ZNF385D: variants seen among roughly 807,000 people sequenced by gnomAD.
ZNF385D encodes the protein zinc finger protein 659.
Under a neutral mutation model 35.8 loss-of-function variants are expected in ZNF385D, and 15 were observed. The observed-to-expected ratio is 0.42, with a 90% confidence interval of 0.28 to 0.64. ZNF385D has a LOEUF of 0.64. Ranked by LOEUF, ZNF385D falls within the 30% of genes least tolerant of loss-of-function variation. The pLI is 0.23. For synonymous variants in ZNF385D, 212 were observed against 186.8 expected (o/e 1.13, Z -1.10); for missense variants, 474 against 494.6 (o/e 0.96, Z 0.39).
chr3:21,872,918 A>G (rs961612055), intron 3 of ZNF385D, among the ~76,000 whole-genome samples: 9 of 152,148 alleles, frequency 5.9e-5, no homozygotes, highest in African/African-American at 2.2e-4. Context: ...ACTAGTATTT[A>G]TAGTTCAATG....
chr3:21,651,675 T>C (rs1002636160), intron 2 of ZNF385D, among the ~76,000 whole-genome samples: 6 of 152,208 alleles, frequency 3.9e-5, no homozygotes, highest in Non-Finnish European at 7.3e-5. Flanking sequence ...ACTGAACTTC[T>C]TAACCTCCTC....
rs905933143 is a variant in ZNF385D at position 21,710,631 on chromosome 3, T to C, written c.22+40264A>G. ...GCTCAGTTGTTTTTACTTATACTCA[T>C]GCATGTTTGGGACAAGATATCTTAA... On this transcript the variant is annotated intron_variant, in intron 1 of 7. Transcript: ENST00000281523. Among the ~76,000 whole-genome samples, 35 of 152,204 alleles carry C rather than the reference T, an allele frequency of 2.3e-4. 1 individual carries two copies. Among genetic ancestry groups the C allele is most frequent in the Admixed American group, 2.2e-3 (33 of 15,276 alleles).
In ZNF385D at chr3:21,530,670, G is replaced by A. The variant is rs9815628; in HGVS notation, c.277-19647C>T. Among the ~76,000 whole-genome samples the A allele has an allele frequency of 4.8e-3, 736 of 151,836 alleles. 9 individuals carry two copies. The highest frequency in any genetic ancestry group is 0.016 in the African/African-American group (648 of 41,426). On this transcript the variant is annotated intron_variant, in intron 3 of 7. Transcript: ENST00000281523. ...AGCATGATCAAACAAGTTTTTTTTC[G>A]TTGATGTGTCATTCTAAGGAAACTG... is the stretch of plus-strand genomic sequence containing the variant.
intron 3 of ZNF385D, among the ~76,000 whole-genome samples, chr3:21,848,260 T>G (rs1056038827): frequency 1.1e-4 from 16 of 152,028 alleles, no homozygotes; most frequent in African/African-American, 3.6e-4. Flanking sequence ...CCATGAAAAC[T>G]TAGGTTGTTT....
At chr3:21,559,575 C>G (rs908011628) in intron 3 of ZNF385D, among the ~76,000 whole-genome samples, 10 of 152,154 alleles carry the variant, frequency 6.6e-5, no homozygotes, top group Middle Eastern at 3.2e-3. Context: ...CAACCTTCCT[C>G]CCTGTCTGCC....
intron 2 of ZNF385D, among the ~76,000 whole-genome samples, chr3:22,282,504 G>A (rs1701809411): frequency 6.6e-6 from 1 of 151,958 alleles, no homozygotes; most frequent in Non-Finnish European, 1.5e-5. Context: ...GATCATTCAG[G>A]AGCAGGTTAT....
intron 4 of ZNF385D, among the ~76,000 whole-genome samples, chr3:21,480,934 A>T: frequency 6.6e-6 from 1 of 152,226 alleles, no homozygotes; most frequent in East Asian, 1.9e-4. Flanking sequence ...ACTTTAAGAA[A>T]GTACATTTCA....
chr3:21,760,636 T>C (rs12489173), intron 3 of ZNF385D, among the ~76,000 whole-genome samples: 44,234 of 152,092 alleles, frequency 0.29, 6,735 homozygotes, highest in Middle Eastern at 0.44. Flanking sequence ...TAAAAGGTCA[T>C]ACTTTTCTTT....
chr3:21,916,787 G>C (rs1161611057), intron 3 of ZNF385D, among the ~76,000 whole-genome samples: 2 of 152,160 alleles, frequency 1.3e-5, no homozygotes, highest in Non-Finnish European at 2.9e-5. Flanking sequence ...ATAAACGAAA[G>C]CACTGTAATA....
At chr3:22,100,703 A>C (rs998124310) in intron 3 of ZNF385D, among the ~76,000 whole-genome samples, 1 of 146,142 alleles carries the variant, frequency 6.8e-6, no homozygotes. Context: ...GGAGGGGGAA[A>C]GGATAGCAAT....
intron 2 of ZNF385D, among the ~76,000 whole-genome samples, chr3:22,366,239 C>T (rs984819532): frequency 1.3e-5 from 2 of 152,072 alleles, no homozygotes; most frequent in Non-Finnish European, 2.9e-5. Context: ...AAAGAGCCAA[C>T]TACACCCAAT....
At chr3:22,161,435 T>C (rs1051914688) in intron 3 of ZNF385D, among the ~76,000 whole-genome samples, 8 of 152,076 alleles carry the variant, frequency 5.3e-5, no homozygotes, top group South Asian at 2.1e-4. Context: ...TAAAGCTCAA[T>C]TGCATCATAA....
At chr3:22,159,786 A>G (rs1333649953) in intron 3 of ZNF385D, among the ~76,000 whole-genome samples, 1 of 152,144 alleles carries the variant, frequency 6.6e-6, no homozygotes, top group African/African-American at 2.4e-5. Flanking sequence ...GTGTCTTATT[A>G]TATATTTTTG....
intron 1 of ZNF385D, among the ~76,000 whole-genome samples, chr3:21,724,304 T>C (rs927624591): frequency 6.6e-6 from 1 of 151,324 alleles, no homozygotes; most frequent in African/African-American, 2.4e-5. Flanking sequence ...CATAACAATA[T>C]TAACCTTAAA....
At chr3:21,640,571 T>C (rs1398744043) in intron 2 of ZNF385D, among the ~76,000 whole-genome samples, 1 of 152,074 alleles carries the variant, frequency 6.6e-6, no homozygotes, top group Non-Finnish European at 1.5e-5. Flanking sequence ...ACAAAGATAC[T>C]AGAGAATCCT....
chr3:22,316,946 A>C (rs1703920747), intron 2 of ZNF385D, among the ~76,000 whole-genome samples: 1 of 151,898 alleles, frequency 6.6e-6, no homozygotes. Flanking sequence ...TCAGTCTGGA[A>C]CTTCCTTAGC....
chr3:22,048,918 T>C (rs1425790009), intron 3 of ZNF385D, among the ~76,000 whole-genome samples: 2 of 152,196 alleles, frequency 1.3e-5, no homozygotes, highest in Non-Finnish European at 2.9e-5. Flanking sequence ...GTTGTATTTC[T>C]TTCATTCATG....
At chr3:21,791,184 T>C (rs1341676534) in intron 3 of ZNF385D, among the ~76,000 whole-genome samples, 1 of 152,194 alleles carries the variant, frequency 6.6e-6, no homozygotes, top group African/African-American at 2.4e-5. Context: ...TTTTCTGAGG[T>C]ATGTAAAAAG....
chr3:21,437,710 A>AAAAAACAAC (rs1553632278), intron 4 of ZNF385D, among the ~76,000 whole-genome samples: 2 of 148,616 alleles, frequency 1.3e-5, no homozygotes, highest in African/African-American at 2.4e-5. Flanking sequence ...ACAAAAAAAA[A>AAAAAACAAC]AAAAAAAAAC....
Sources: gnomAD v4.1 joint callset for allele counts (sites outside exome capture counted in the v4.1 genomes callset) on GRCh38, gnomAD v4.1.1 for gene constraint, MANE v1.5 for transcripts, NCBI Gene and HGNC (gene_info 2026-07-23, HGNC 2026-07-21) for gene names.